Variants in CRACR2A observed in about 807,000 individuals in gnomAD.
CRACR2A encodes EF-hand calcium-binding domain-containing protein 4B.
Under a neutral mutation model 90.5 loss-of-function variants are expected in CRACR2A, and 79 were observed. The ratio of observed to expected loss-of-function variants is 0.87; its 90% CI spans 0.73 to 1.05. The LOEUF is 1.05. Ranked by LOEUF, CRACR2A falls within the 50% of genes least tolerant of loss-of-function variation. CRACR2A has a pLI of 0.00. For synonymous variants in CRACR2A, 338 were observed against 356.7 expected (o/e 0.95, Z 0.59); for missense variants, 823 against 897.2 (o/e 0.92, Z 1.06).
intron 14 of CRACR2A, among the ~76,000 whole-genome samples, chr12:3,637,894 G>T (rs774390449): frequency 1.3e-5 from 2 of 152,178 alleles, no homozygotes; most frequent in Non-Finnish European, 2.9e-5. Context: ...GATTTTGAGC[G>T]TTATTACAAA....
rs1445855890 is a variant in CRACR2A at position 3,656,325 on chromosome 12, G to T, written c.844C>A (p.Gln282Lys). The T allele has an allele frequency of 3.1e-6, 5 of 1,614,128 alleles. 1 individual carries two copies. In the Middle Eastern group the frequency reaches 5.0e-4, roughly 160 times the overall value. ...CKEQELEQLT[Q>K]KQKRLEGQCT... Reference sequence around the variant, plus strand: ...TGGCAACATACCCTTTTCTGCTTCTGGGTGAGCTGCTCCAGCTCCTGCTCC... The same window carrying T: ...TGGCAACATACCCTTTTCTGCTTCTTGGTGAGCTGCTCCAGCTCCTGCTCC... Residue 282 changes from glutamine to lysine, a missense_variant, in exon 9 of 20, where the codon CAG becomes AAG. Physicochemically the swap from Gln to Lys is moderately conservative, Grantham distance 53 (BLOSUM62 1). Coordinates refer to ENST00000440314, the MANE Select transcript of CRACR2A (RefSeq NM_001144958.2).
rs532652386 is a variant in CRACR2A at position 3,636,010 on chromosome 12, A to C, written c.1602+2114T>G. Among the ~76,000 whole-genome samples, 19 of 152,360 alleles carry C rather than the reference A, an allele frequency of 1.2e-4. No homozygotes were observed. In the East Asian group the frequency reaches 3.1e-3, roughly 25 times the overall value. On this transcript the variant is annotated intron_variant, in intron 14 of 19. Transcript: ENST00000440314. ...AAAGAGTTTTGAAAATACTTTTAACAGCCGTATAATATTCTAGTGAATTAA... is the reference window on the plus strand; with the variant it reads ...AAAGAGTTTTGAAAATACTTTTAACCGCCGTATAATATTCTAGTGAATTAA...
chr12:3,704,169 C>T (rs367680760), intron 3 of CRACR2A, among the ~76,000 whole-genome samples: 2 of 152,082 alleles, frequency 1.3e-5, no homozygotes, highest in Non-Finnish European at 2.9e-5. Flanking sequence ...CCCAAATGTT[C>T]GTTGACAGGT....
chr12:3,709,349 A>G (rs1331562871), intron 3 of CRACR2A, among the ~76,000 whole-genome samples: 1 of 152,226 alleles, frequency 6.6e-6, no homozygotes, highest in Admixed American at 6.5e-5. Context: ...AATAAAGAGG[A>G]GGTTTTCTTT....
intron 3 of CRACR2A, among the ~76,000 whole-genome samples, chr12:3,712,291 C>T (rs949827922): frequency 6.6e-6 from 1 of 151,912 alleles, no homozygotes; most frequent in African/African-American, 2.4e-5. Flanking sequence ...TCTTGCATTG[C>T]TATAAAGAAA....
intron 14 of CRACR2A, among the ~76,000 whole-genome samples, chr12:3,634,347 C>T (rs753980501): frequency 1.6e-4 from 25 of 152,282 alleles, no homozygotes; most frequent in Non-Finnish European, 3.4e-4. Context: ...CTGCCATCTT[C>T]CTTGGGTAAC....
chr12:3,704,170 G>A (rs149690171), intron 3 of CRACR2A, among the ~76,000 whole-genome samples: 289 of 152,284 alleles, frequency 1.9e-3, no homozygotes, highest in East Asian at 1.9e-3. Context: ...CCAAATGTTC[G>A]TTGACAGGTA....
chr12:3,730,526 T>TA, intron 2 of CRACR2A: 1 of 152,340 alleles, frequency 6.6e-6, no homozygotes, highest in Non-Finnish European at 1.5e-5. Flanking sequence ...GTGTTTCTTG[T>TA]AATATTAACA....
intron 2 of CRACR2A, among the ~76,000 whole-genome samples, chr12:3,722,655 G>A (rs1212922351): frequency 6.6e-6 from 1 of 152,106 alleles, no homozygotes; most frequent in Non-Finnish European, 1.5e-5. Context: ...GTACCAACAG[G>A]GACTCATCCT....
Position 3,659,593 on chromosome 12 carries a change from T to C in CRACR2A, c.733A>G (p.Lys245Glu), listed in dbSNP as rs1271783518. 1.9e-6 allele frequency: 3 copies of C among 1,614,178 alleles called. No individual in the cohort carries two copies. The highest frequency in any genetic ancestry group is 3.3e-4 in the Middle Eastern group (2 of 6,062). ...AGGAGAAACTGCTCCTTCTCACTTT[T>C]GATTTGTTGTTCCATCTCCTCATAG... is the stretch of plus-strand genomic sequence containing the variant. Reference protein sequence around the residue: ...HLYEEMEQQIKSEKEQFLLKD... With the variant: ...HLYEEMEQQIESEKEQFLLKD... Residue 245 changes from lysine to glutamate, a missense_variant, in exon 8 of 20, where the codon AAA becomes GAA. Transcript: ENST00000440314.
At chr12:3,698,234 T>C (rs1352680882) in intron 3 of CRACR2A, among the ~76,000 whole-genome samples, 1 of 152,244 alleles carries the variant, frequency 6.6e-6, no homozygotes, top group African/African-American at 2.4e-5. Flanking sequence ...ACATTTTAAA[T>C]ACACGATGAC....
Position 3,616,981 on chromosome 12 carries a change from G to A in CRACR2A, c.2084C>T (p.Thr695Ile). Reference sequence around the variant, plus strand: ...GGCCAGATGGAGCAGGGACTCTTTGGTGTTGTGACCAGAGTAGGCGCTGCA... The same window carrying A: ...GGCCAGATGGAGCAGGGACTCTTTGATGTTGTGACCAGAGTAGGCGCTGCA... ...YECSAYSGHN[T>I]KESLLHLARF... is the part of the protein sequence containing the mutation. Residue 695 changes from threonine to isoleucine, a missense_variant, in exon 19 of 20, where the codon ACC (threonine) becomes ATC (isoleucine). By Grantham distance (89) the Thr-to-Ile change is moderately conservative. Transcript: ENST00000440314. 1 of 1,551,552 alleles carries A rather than the reference G, an allele frequency of 6.4e-7. No individual in the cohort carries two copies. The highest frequency in any genetic ancestry group is 8.7e-7 in the Non-Finnish European group (1 of 1,146,904).
chr12:3,699,967 G>T (rs1945809931), intron 3 of CRACR2A, among the ~76,000 whole-genome samples: 1 of 152,174 alleles, frequency 6.6e-6, no homozygotes, highest in African/African-American at 2.4e-5. Context: ...ATCAGAGGCT[G>T]GATTTACCCT....
chr12:3,615,499 A>G, intron 19 of CRACR2A, 60 bp from the exon 20 acceptor site: 1 of 1,400,804 alleles, frequency 7.1e-7, no homozygotes, highest in East Asian at 2.5e-5. Flanking sequence ...AGGGGCTGGC[A>G]ACCTGGACAA....
intron 3 of CRACR2A, among the ~76,000 whole-genome samples, chr12:3,710,808 A>G (rs1945997683): frequency 6.7e-6 from 1 of 150,296 alleles, no homozygotes; most frequent in African/African-American, 2.4e-5. Context: ...AAAAAAAAGA[A>G]AGAAAGAAAG....
chr12:3,624,227 C>T (rs1414696395), intron 17 of CRACR2A, among the ~76,000 whole-genome samples: 1 of 152,164 alleles, frequency 6.6e-6, no homozygotes, highest in Non-Finnish European at 1.5e-5. Flanking sequence ...GGACTGTGAA[C>T]AGCTGGCCAC....
At chr12:3,741,064 A>G (rs73249722) in intron 1 of CRACR2A, among the ~76,000 whole-genome samples, 24,323 of 152,176 alleles carry the variant, frequency 0.16, 2,157 homozygotes, top group African/African-American at 0.21. Context: ...TGCAAAGGGA[A>G]GGCAGAAGCT....
In CRACR2A at chr12:3,641,767, T is replaced by G. The variant is rs1389023520; in HGVS notation, c.1236A>C (p.Ile412=). The change falls in exon 13 of 20, where the codon ATA becomes ATC. Residue 412 remains isoleucine (I), a synonymous_variant. Coordinates refer to ENST00000440314, the MANE Select transcript of CRACR2A (RefSeq NM_001144958.2). ...TCCCTCTGCTGTCCACATATTTGCC[T>G]ATCACAGAGCCAGATCTCTTTTTCC... ...ASWKKRSGSV[I]GKYVDSRGIL... is the part of the protein sequence containing the mutation. 3 of 1,551,602 alleles carry G rather than the reference T, an allele frequency of 1.9e-6. No individual in the cohort carries two copies. The African/African-American group carries it at 4.1e-5, about 21-fold the overall frequency.
chr12:3,688,763 T>C (rs1591688602), intron 4 of CRACR2A, among the ~76,000 whole-genome samples: 1 of 152,242 alleles, frequency 6.6e-6, no homozygotes, highest in East Asian at 1.9e-4. Context: ...ATTGAATGTA[T>C]AAATCGCTTT....
Sources: allele counts gnomAD v4.1 joint callset (sites outside exome capture counted in the v4.1 genomes callset), GRCh38; gene constraint gnomAD v4.1.1; transcripts MANE v1.5; gene names NCBI Gene and HGNC (gene_info 2026-07-23, HGNC 2026-07-21).